The following SHC4 variants were observed in gnomAD, a reference collection of about 807,000 sequenced individuals.
SHC4 encodes the protein SHC-transforming protein 4.
Under a neutral mutation model 69.4 loss-of-function variants are expected in SHC4, and 41 were observed. The ratio of observed to expected loss-of-function variants is 0.59; its 90% confidence interval spans 0.46 to 0.77. The LOEUF is 0.77. SHC4 is among the 30% of genes least tolerant of loss of function. The probability of loss-of-function intolerance (pLI) is 0.00; values close to 1 mark genes in which losing one functional copy is unlikely to be tolerated. For missense variants in SHC4, 777 were observed against 783.8 expected (o/e 0.99, Z 0.10); for synonymous variants, 318 against 299.3 (o/e 1.06, Z -0.64).
chr15:48,945,448 C>G (rs868309768), intron 1 of SHC4, among the ~76,000 whole-genome samples: 2 of 152,074 alleles, frequency 1.3e-5, no homozygotes, highest in African/African-American at 2.4e-5. Flanking sequence ...TCATAATAGC[C>G]CAAAAGTAGA....
chr15:48,862,133 TTATAAC>T (rs1193867835), intron 6 of SHC4, among the ~76,000 whole-genome samples: 2 of 151,906 alleles, frequency 1.3e-5, no homozygotes, highest in African/African-American at 4.8e-5. Context: ...TAGGCATACT[TTATAAC>T]TATAAACATA....
intron 10 of SHC4, among the ~76,000 whole-genome samples, chr15:48,840,224 T>C (rs999795513): frequency 6.6e-6 from 1 of 152,190 alleles, no homozygotes; most frequent in East Asian, 1.9e-4. Flanking sequence ...CAGCCCTTTT[T>C]ACACTACAGC....
At chr15:48,952,192 C>A (rs934268353) in intron 1 of SHC4, among the ~76,000 whole-genome samples, 1 of 152,098 alleles carries the variant, frequency 6.6e-6, no homozygotes, top group Non-Finnish European at 1.5e-5. Flanking sequence ...ATGCATTTTA[C>A]CACTTCCCAA....
chr15:48,930,536 C>T (rs567879289), intron 1 of SHC4, among the ~76,000 whole-genome samples: 1 of 152,278 alleles, frequency 6.6e-6, no homozygotes, highest in African/African-American at 2.4e-5. Flanking sequence ...ACTTGGGAGG[C>T]TGAGGCAGGA....
chr15:48,874,889 G>A (rs1049434790), intron 4 of SHC4, among the ~76,000 whole-genome samples: 43 of 152,038 alleles, frequency 2.8e-4, no homozygotes, highest in African/African-American at 9.2e-4. Context: ...TTCCTGACCC[G>A]CCCATTATTT....
In SHC4 at chr15:48,962,443, G is replaced by A. The variant is rs778165380; in HGVS notation, c.573C>T (p.Asn191=). Residue 191 remains asparagine (N), a synonymous_variant, in exon 1 of 12, where the codon AAC becomes AAT. Coordinates refer to ENST00000332408, the MANE Select transcript of SHC4 (RefSeq NM_203349.4). ...FLQHLLGMGM[N]YCVRYMGCVE... ...AAAATGGACTTACCCTCACACAGTA[G>A]TTCATGCCCATCCCCAACAGGTGCT... 3 of 1,521,414 alleles carry A rather than the reference G, an allele frequency of 2.0e-6. No individual in the cohort carries two copies. Among genetic ancestry groups the A allele is most frequent in the Non-Finnish European group, 2.6e-6 (3 of 1,136,204 alleles). 94.2% of individuals were successfully genotyped at this position (1,521,414 alleles called of 1,614,324 possible). A position where few individuals can be genotyped will look rare whatever the true frequency, so the allele number is the denominator to read the frequency against.
chr15:48,882,246 A>C (rs1358658304), intron 4 of SHC4, among the ~76,000 whole-genome samples: 2 of 151,990 alleles, frequency 1.3e-5, no homozygotes, highest in Non-Finnish European at 2.9e-5. Flanking sequence ...TCTCCCCCAT[A>C]TCCCCCAGCC....
rs202001880 is a variant in SHC4 at position 48,890,777 on chromosome 15, C to A, written c.691G>T (p.Gly231Trp). The part of the protein sequence containing the change: ...AISRLCEAVP[G>W]ANGAIKKRKP... ...CGCTTTTTAATGGCTCCATTTGCCC[C>A]GGGGACAGCTTCACACAGGCGACTT... is the stretch of plus-strand genomic sequence containing the variant. The change falls in exon 3 of 12, where the codon GGG becomes TGG. Residue 231 changes from glycine to tryptophan, a missense_variant. Physicochemically the swap from Gly to Trp is radical, Grantham distance 184. Coordinates refer to ENST00000332408, the MANE Select transcript of SHC4 (RefSeq NM_203349.4). The A allele has an allele frequency of 6.2e-7, 1 of 1,614,002 alleles. No homozygotes were observed.
chr15:48,929,831 A>T (rs1900924004), intron 1 of SHC4, among the ~76,000 whole-genome samples: 1 of 152,174 alleles, frequency 6.6e-6, no homozygotes, highest in Admixed American at 6.6e-5. Flanking sequence ...TGCTCAGACA[A>T]CCTGCCCATT....
rs542667508 is a variant in SHC4, at chr15:48,924,961, A to C, written c.586-12T>G. The C allele has an allele frequency of 6.2e-7, 1 of 1,613,790 alleles. No individual in the cohort carries two copies. Among genetic ancestry groups the C allele is most frequent in the African/African-American group, 1.3e-5 (1 of 75,038 alleles). On this transcript the variant is annotated splice_polypyrimidine_tract_variant and intron_variant, in intron 1 of 11. Coordinates refer to ENST00000332408, the MANE Select transcript of SHC4 (RefSeq NM_203349.4). ...ACACAGCCCATGTACTACAATAAGAAGAAAAAAAAGAAGAAGTAGGACAAA... is the reference window on the plus strand; with the variant it reads ...ACACAGCCCATGTACTACAATAAGACGAAAAAAAAGAAGAAGTAGGACAAA...
chr15:48,919,295 A>ATTTTTTTTTTTTTTTTTTTTTTTTTT lies in SHC4; in HGVS notation c.656+5583_656+5584insAAAAAAAAAAAAAAAAAAAAAAAAAA, dbSNP rs386382928. The stretch of plus-strand genomic sequence containing the variant: ...CTCACACTCTTAAAAATTTATTTTA[A>ATTTTTTTTTTTTTTTTTTTTTTTTTT]TTTTTTTTTTTTTTTTTTTTGTAGA... On this transcript the variant is annotated intron_variant, in intron 2 of 11. Transcript: ENST00000332408. Among the ~76,000 whole-genome samples the ATTTTTTTTTTTTTTTTTTTTTTTTTT allele has an allele frequency of 9.4e-3, 670 of 71,228 alleles. 150 individuals carry two copies. Among genetic ancestry groups the ATTTTTTTTTTTTTTTTTTTTTTTTTT allele is most frequent in the Non-Finnish European group, 0.013 (476 of 38,068 alleles). The allele number at this position is 71,228 out of a possible 152,430, so 46.7% of individuals were successfully genotyped here.
chr15:48,934,037 A>G (rs140406143), intron 1 of SHC4, among the ~76,000 whole-genome samples: 1 of 152,314 alleles, frequency 6.6e-6, no homozygotes, highest in Non-Finnish European at 1.5e-5. Flanking sequence ...GGTTTCTTAG[A>G]TATGACACCG....
intron 11 of SHC4, among the ~76,000 whole-genome samples, chr15:48,832,838 C>G (rs1168722741): frequency 6.6e-6 from 1 of 152,054 alleles, no homozygotes; most frequent in African/African-American, 2.4e-5. Context: ...CTGCTGAACC[C>G]CTCTAGTGAT....
At chr15:48,852,213 T>C (rs1219600668) in intron 8 of SHC4, among the ~76,000 whole-genome samples, 2 of 152,158 alleles carry the variant, frequency 1.3e-5, no homozygotes, top group Non-Finnish European at 2.9e-5. Flanking sequence ...ACAAGTGGCC[T>C]GCCAGAAGCA....
chr15:48,862,023 G>A (rs1362305420), intron 6 of SHC4, among the ~76,000 whole-genome samples: 1 of 152,126 alleles, frequency 6.6e-6, no homozygotes, highest in African/African-American at 2.4e-5. Context: ...ATGGTGCTAT[G>A]GGATCAAAGC....
intron 2 of SHC4, among the ~76,000 whole-genome samples, chr15:48,918,404 C>T (rs1454232415): frequency 2.0e-5 from 3 of 152,210 alleles, no homozygotes; most frequent in African/African-American, 7.2e-5. Context: ...CTCTATTTCC[C>T]ACCCAACCTC....
rs141584069 is a variant in SHC4 at position 48,874,568 on chromosome 15, G to A, written c.841-2426C>T. 1.4e-3 allele frequency among the ~76,000 whole-genome samples: 211 copies of A among 152,324 alleles called. 1 individual carries two copies. Among genetic ancestry groups the A allele is most frequent in the South Asian group, 5.0e-3 (24 of 4,820 alleles). ...GAACCCTATTGTGAACTACACATAC[G>A]AGGGATCTAGGTTGCATGCTCCTTA... On this transcript the variant is annotated intron_variant, in intron 4 of 11. Coordinates refer to ENST00000332408, the MANE Select transcript of SHC4 (RefSeq NM_203349.4).
chr15:48,836,108 G>A (rs188824981), intron 10 of SHC4, among the ~76,000 whole-genome samples: 7 of 150,516 alleles, frequency 4.7e-5, no homozygotes, highest in East Asian at 2.0e-4. Flanking sequence ...CAAGAGAATC[G>A]CTTAAACCGG....
chr15:48,917,452 G>A (rs1056302117), intron 2 of SHC4, among the ~76,000 whole-genome samples: 1 of 151,944 alleles, frequency 6.6e-6, no homozygotes. Context: ...TGTTTCCTTT[G>A]GATACAGTTC....
Sources: gnomAD v4.1 joint callset for allele counts (sites outside exome capture counted in the v4.1 genomes callset) on GRCh38, gnomAD v4.1.1 for gene constraint, MANE v1.5 for transcripts, NCBI Gene and HGNC (gene_info 2026-07-23, HGNC 2026-07-21) for gene names.